The following WDR27 variants were observed in gnomAD, a reference collection of about 807,000 sequenced individuals.
The protein encoded by WDR27 is WD repeat domain 27, also known as WD repeat-containing protein 27.
Under a neutral mutation model 114.4 loss-of-function variants are expected in WDR27, and 100 were observed. That is an observed-to-expected ratio of 0.87 (90% CI 0.74 to 1.03). WDR27 has a LOEUF of 1.03. Ranked by LOEUF, WDR27 falls within the 50% of genes least tolerant of loss-of-function variation. The probability of loss-of-function intolerance (pLI) is 0.00; values close to 1 mark genes in which losing one functional copy is unlikely to be tolerated. For synonymous variants in WDR27, 449 were observed against 423.1 expected (o/e 1.06, Z -0.75); for missense variants, 1,129 against 1,092.9 (o/e 1.03, Z -0.47).
chr6:169,619,214 A>T (rs1812567346), intron 21 of WDR27, among the ~76,000 whole-genome samples: 1 of 152,188 alleles, frequency 6.6e-6, no homozygotes, highest in African/African-American at 2.4e-5. Context: ...CTAAGATTTT[A>T]AAAGAGAGGA....
At chr6:169,483,704 C>A (rs1332101750) in intron 25 of WDR27, among the ~76,000 whole-genome samples, 2 of 151,444 alleles carry the variant, frequency 1.3e-5, no homozygotes, top group African/African-American at 4.9e-5. Flanking sequence ...CAAACACACA[C>A]ACACAGACAC....
Position 169,657,993 on chromosome 6 carries a change from G to C in WDR27, c.1402+283C>G, listed in dbSNP as rs148287686. On this transcript the variant is annotated intron_variant, in intron 13 of 25. Transcript: ENST00000448612. ...TCAGTAATTGCTGAAGGTCCACTCT[G>C]CACCCCCACTGCAACAGGCACCAGA... 1.6e-5 allele frequency: 5 copies of C among 306,342 alleles called. No homozygotes were observed. The East Asian group carries it at 2.7e-4, about 17-fold the overall frequency. The allele number at this position is 306,342 out of a possible 1,614,324, so 19.0% of individuals were successfully genotyped here. A position where few individuals can be genotyped will look rare whatever the true frequency, so the allele number is the denominator to read the frequency against.
intron 25 of WDR27, among the ~76,000 whole-genome samples, chr6:169,529,251 C>A (rs1381091546): frequency 6.7e-6 from 1 of 150,234 alleles, no homozygotes; most frequent in Non-Finnish European, 1.5e-5. Flanking sequence ...CGCATACACA[C>A]CCACACATTC....
chr6:169,621,447 C>A (rs906499262), intron 21 of WDR27, among the ~76,000 whole-genome samples: 1 of 152,138 alleles, frequency 6.6e-6, no homozygotes, highest in Non-Finnish European at 1.5e-5. Flanking sequence ...TACATATGCA[C>A]ACATGCACAC....
intron 25 of WDR27, among the ~76,000 whole-genome samples, chr6:169,481,378 C>T (rs1179623259): frequency 2.0e-5 from 3 of 152,312 alleles, no homozygotes; most frequent in Non-Finnish European, 4.4e-5. Flanking sequence ...ATGGACCAAT[C>T]GGCAGGATGT....
intron 25 of WDR27, among the ~76,000 whole-genome samples, chr6:169,546,912 GT>G (rs1462419343): frequency 6.6e-6 from 1 of 152,044 alleles, no homozygotes; most frequent in African/African-American, 2.4e-5. Context: ...TCTTGACTAT[GT>G]TCTCACAAGT....
At chr6:169,447,556 T>G in the WDR27 span, among the ~76,000 whole-genome samples, 1 of 152,174 alleles carries the variant, frequency 6.6e-6, no homozygotes, top group Non-Finnish European at 1.5e-5. Context: ...TGTTTTTACA[T>G]AAGGAGACTC....
intron 9 of WDR27, 22 bp from the exon 10 acceptor site, chr6:169,660,788 A>G: frequency 1.3e-6 from 2 of 1,599,904 alleles, no homozygotes; most frequent in Non-Finnish European, 1.7e-6. Context: ...AAAAAAAGAA[A>G]AGAATACACA....
chr6:169,580,701 T>C (rs1352939238), intron 24 of WDR27, among the ~76,000 whole-genome samples: 3 of 152,064 alleles, frequency 2.0e-5, no homozygotes, highest in African/African-American at 7.2e-5. Flanking sequence ...TCAGAAAACA[T>C]ATTTTAAGAG....
chr6:169,640,244 G>A (rs1818832994), intron 17 of WDR27, among the ~76,000 whole-genome samples: 1 of 152,200 alleles, frequency 6.6e-6, no homozygotes, highest in South Asian at 2.1e-4. Flanking sequence ...GCCTCAGCAT[G>A]TGAATCACAC....
intron 1 of WDR27, among the ~76,000 whole-genome samples, chr6:169,696,944 C>A (rs9295022): frequency 1 from 152,280 of 152,282 alleles, 76,139 homozygotes; most frequent in Non-Finnish European, 1. Context: ...ACAACAAAAA[C>A]CTATCTCCTG....
At chr6:169,677,265 C>T (rs866058183) in intron 2 of WDR27, among the ~76,000 whole-genome samples, 1 of 152,244 alleles carries the variant, frequency 6.6e-6, no homozygotes, top group South Asian at 2.1e-4. Context: ...TGGAAATGAA[C>T]TTGCTGGGAA....
At chr6:169,507,813 T>C (rs960397167) in intron 25 of WDR27, among the ~76,000 whole-genome samples, 3 of 152,212 alleles carry the variant, frequency 2.0e-5, no homozygotes, top group Non-Finnish European at 4.4e-5. Flanking sequence ...GTCTGTGGCT[T>C]TCTTGACACA....
At chr6:169,474,468 T>C (rs746814225) in intron 25 of WDR27, among the ~76,000 whole-genome samples, 21 of 152,218 alleles carry the variant, frequency 1.4e-4, no homozygotes, top group Admixed American at 2.6e-4. Flanking sequence ...TTAGTTATAA[T>C]AGAAATACAA....
chr6:169,491,730 G>A (rs1476330757), intron 25 of WDR27, among the ~76,000 whole-genome samples: 1 of 152,096 alleles, frequency 6.6e-6, no homozygotes, highest in Non-Finnish European at 1.5e-5. Context: ...ATGTGTGCTG[G>A]GACCTGGAAT....
rs532729050 is a variant in WDR27, at chr6:169,492,941, AG to A, written c.2646-35308del. On this transcript the variant is annotated intron_variant, in intron 25 of 25. Coordinates refer to ENST00000448612, the MANE Select transcript of WDR27 (RefSeq NM_182552.5). ...TTAAGTATATAAATTAAAATATTAA[AG>A]GTAAAAATTAAGTCAACATGCAGAG... Among the ~76,000 whole-genome samples, 369 of 152,204 alleles carry A rather than the reference AG, an allele frequency of 2.4e-3. 2 individuals carry two copies. Among genetic ancestry groups the A allele is most frequent in the African/African-American group, 8.1e-3 (335 of 41,576 alleles).
At chr6:169,543,784 G>A (rs2128095676) in intron 25 of WDR27, among the ~76,000 whole-genome samples, 1 of 152,212 alleles carries the variant, frequency 6.6e-6, no homozygotes, top group South Asian at 2.1e-4. Flanking sequence ...TGTGAGTTGT[G>A]AAACTTGAAA....
At chr6:169,636,332 T>C (rs1817650449) in intron 19 of WDR27, 39 bp downstream of exon 19, 11 of 1,598,602 alleles carry the variant, frequency 6.9e-6, no homozygotes, top group Non-Finnish European at 9.4e-6. Context: ...AACAGCTTCC[T>C]GTGATCTAAA....
intron 25 of WDR27, among the ~76,000 whole-genome samples, chr6:169,513,497 A>G (rs1365711028): frequency 6.6e-6 from 1 of 152,050 alleles, no homozygotes; most frequent in Non-Finnish European, 1.5e-5. Flanking sequence ...CTAATTCAAA[A>G]TTTTGGGGAG....
Sources: gnomAD v4.1 joint callset for allele counts (sites outside exome capture counted in the v4.1 genomes callset) on GRCh38, gnomAD v4.1.1 for gene constraint, MANE v1.5 for transcripts, NCBI Gene and HGNC (gene_info 2026-07-23, HGNC 2026-07-21) for gene names.